Variants in NRAP observed in about 807,000 individuals in gnomAD.
NRAP encodes nebulin related anchoring protein, also known as nebulin-related-anchoring protein.
In NRAP, 189 loss-of-function variants were observed where a neutral mutation model predicts 225.9. That is an observed-to-expected ratio of 0.84 (90% CI 0.74 to 0.94). NRAP has a LOEUF of 0.94. NRAP is among the 40% of genes least tolerant of loss of function. NRAP has a pLI of 0.00. For missense variants in NRAP, 2,176 were observed against 2,168.7 expected (o/e 1.00, Z -0.07); for synonymous variants, 769 against 790.7 (o/e 0.97, Z 0.46).
chr10:113,631,554 G>A lies in NRAP; in HGVS notation c.1797C>T (p.Asp599=), dbSNP rs1443917316. Residue 599 remains aspartate, a synonymous_variant, in exon 18 of 42, where the codon GAC becomes GAT. Coordinates refer to ENST00000359988, the MANE Select transcript of NRAP (RefSeq NM_198060.4). ...TCTGCAGGGAGTGCAGAAGCCTAGA[G>A]TCGGCTGTTCCCATGGCTTTGCCTT... ...KTKGKAMGTA[D]SRLLHSLQIA... 3 of 1,613,332 alleles carry A rather than the reference G, an allele frequency of 1.9e-6. No individual in the cohort carries two copies. Among genetic ancestry groups the A allele is most frequent in the Non-Finnish European group, 2.5e-6 (3 of 1,179,610 alleles).
chr10:113,640,409 A>G, intron 13 of NRAP, 78 bp from the exon 14 acceptor site: 1 of 769,486 alleles, frequency 1.3e-6, no homozygotes, highest in Non-Finnish European at 2.1e-6. Context: ...GCCATAAGAA[A>G]TATTTTTTAA....
intron 25 of NRAP, among the ~76,000 whole-genome samples, chr10:113,619,137 G>A (rs1218281919): frequency 6.6e-6 from 1 of 152,152 alleles, no homozygotes; most frequent in African/African-American, 2.4e-5. Flanking sequence ...GCAAAATGAG[G>A]TGGCTAACTA....
intron 23 of NRAP, 95 bp downstream of exon 23, chr10:113,623,434 G>C: frequency 1.4e-6 from 1 of 692,804 alleles, no homozygotes; most frequent in South Asian, 2.1e-5. Flanking sequence ...CTGAGATTCA[G>C]AGAGATTAAG....
At chr10:113,592,390 C>A (rs1846043952) in intron 38 of NRAP, 89 bp from the exon 39 acceptor site, 2 of 822,536 alleles carry the variant, frequency 2.4e-6, no homozygotes, top group Admixed American at 4.6e-5. Context: ...GGTTCTTAAC[C>A]TTTGTTGGTT....
intron 4 of NRAP, among the ~76,000 whole-genome samples, chr10:113,654,611 A>C (rs1355393322): frequency 6.6e-6 from 1 of 152,176 alleles, no homozygotes; most frequent in African/African-American, 2.4e-5. Flanking sequence ...CAATTAGAAA[A>C]CAGTTATGTG....
Position 113,650,046 on chromosome 10 carries a change from T to C in NRAP, c.879A>G (p.Gln293=), listed in dbSNP as rs758733405. ...TCATTTTATCACATACCTGGCCATA[T>C]TGGTCTGCACATTCCCTTGTCAAGA... ...EGILTRECAD[Q]YGQGYPEEYE... The change falls in exon 9 of 42, where the codon CAA becomes CAG. Residue 293 remains glutamine, a synonymous_variant. Transcript: ENST00000359988. The C allele has an allele frequency of 2.5e-6, 4 of 1,586,806 alleles. No homozygotes were observed. Among genetic ancestry groups the C allele is most frequent in the Non-Finnish European group, 3.5e-6 (4 of 1,155,242 alleles).
chr10:113,640,299 A>T lies in NRAP; in HGVS notation c.1356T>A (p.Ile452=). 9 of 1,600,826 alleles carry T rather than the reference A, an allele frequency of 5.6e-6. No individual in the cohort carries two copies. The highest frequency in any genetic ancestry group is 7.7e-6 in the Non-Finnish European group (9 of 1,173,816). ...VAYKADYKHD[I]VDYNYPATLT... is the part of the protein sequence containing the mutation. Reference sequence around the variant, plus strand: ...GAGTGGCTGGGTAGTTGTAGTCGACAATATCATGTTTATAATCAGCTTTGT... The same window carrying T: ...GAGTGGCTGGGTAGTTGTAGTCGACTATATCATGTTTATAATCAGCTTTGT... Residue 452 remains isoleucine, a synonymous_variant, in exon 14 of 42, where the codon ATT becomes ATA. Coordinates refer to ENST00000359988, the MANE Select transcript of NRAP (RefSeq NM_198060.4).
intron 10 of NRAP, 28 bp downstream of exon 10, chr10:113,646,895 T>C (rs934150620): frequency 1.4e-6 from 2 of 1,465,356 alleles, no homozygotes; most frequent in Non-Finnish European, 1.9e-6. Flanking sequence ...TGCCTCTGGC[T>C]CTGTGGTCAC....
intron 27 of NRAP, 98 bp from the exon 28 acceptor site, chr10:113,615,044 C>T (rs1847566136): frequency 2.7e-6 from 2 of 750,914 alleles, no homozygotes; most frequent in African/African-American, 1.7e-5. Context: ...TGGTGGGTCC[C>T]CTCCCTCCCC....
At chr10:113,662,802 T>A in intron 2 of NRAP, 36 bp from the exon 3 acceptor site, 1 of 1,060,250 alleles carries the variant, frequency 9.4e-7, no homozygotes, top group Non-Finnish European at 1.4e-6. Flanking sequence ...ATTAGAAATG[T>A]ACTTTATCCA....
intron 1 of NRAP, 104 bp from the exon 2 acceptor site, chr10:113,663,550 G>C: frequency 1.3e-6 from 1 of 754,880 alleles, no homozygotes; most frequent in Non-Finnish European, 2.2e-6. Context: ...ATAAAATGCT[G>C]ATTTTAAAAA....
chr10:113,624,378 T>A lies in NRAP; in HGVS notation c.2349+448A>T, dbSNP rs77300280. On this transcript the variant is annotated intron_variant, in intron 22 of 41. Coordinates refer to ENST00000359988, the MANE Select transcript of NRAP (RefSeq NM_198060.4). ...TGTATAGAGACTCACTGAAACCTCA[T>A]GACAACCCAGTAAGGACGGGACTAA... Among the ~76,000 whole-genome samples the A allele has an allele frequency of 5.9e-5, 9 of 152,310 alleles. No individual in the cohort carries two copies. The East Asian group carries it at 1.7e-3, about 29-fold the overall frequency.
rs184155136 is a variant in NRAP, at chr10:113,593,499, C to T, written c.4537-1198G>A. On this transcript the variant is annotated intron_variant, in intron 38 of 41. Coordinates refer to ENST00000359988, the MANE Select transcript of NRAP (RefSeq NM_198060.4). ...CGCCTCTGACTCCAACACCCGATGC[C>T]GTAAACCCTGAGCCAAACGTCTACT... Among the ~76,000 whole-genome samples the T allele has an allele frequency of 1.4e-4, 21 of 152,290 alleles. 1 individual carries two copies. The East Asian group carries it at 2.7e-3, about 20-fold the overall frequency.
rs764698087 is a variant in NRAP at position 113,595,648 on chromosome 10, C to T, written c.4511G>A (p.Arg1504His). 1.0e-4 allele frequency: 163 copies of T among 1,613,122 alleles called. 1 individual carries two copies. The East Asian group carries it at 3.4e-3, about 34-fold the overall frequency. ...IPDHPDFTRA[R>H]LNALHLSDKV... The stretch of plus-strand genomic sequence containing the variant: ...GTCACTCAGATGCAGCGCATTGAGG[C>T]GAGCTCGGGTGAAATCGGGATGGTC... Residue 1504 changes from arginine to histidine, a missense_variant, in exon 38 of 42, where the codon CGC (arginine) becomes CAC (histidine). Arg to His is a conservative substitution (Grantham distance 29). This residue lies in a region of NRAP where 445 missense variants were observed against 426.1 expected (regional missense o/e 1.04). Coordinates refer to ENST00000359988, the MANE Select transcript of NRAP (RefSeq NM_198060.4).
chr10:113,640,502 C>T (rs1023098912), intron 13 of NRAP, among the ~76,000 whole-genome samples, 171 bp from the exon 14 acceptor site: 4 of 152,116 alleles, frequency 2.6e-5, no homozygotes, highest in Non-Finnish European at 2.9e-5. Context: ...AATCTGAATT[C>T]CTCTTAATTA....
At chr10:113,623,948 T>G (rs552698953) in intron 22 of NRAP, among the ~76,000 whole-genome samples, 24 of 152,148 alleles carry the variant, frequency 1.6e-4, no homozygotes, top group Non-Finnish European at 3.1e-4. Context: ...CACAGCGACA[T>G]TTCTGAAAAG....
chr10:113,595,901 C>T (rs144184027), intron 37 of NRAP, among the ~76,000 whole-genome samples, 174 bp from the exon 38 acceptor site: 1 of 152,144 alleles, frequency 6.6e-6, no homozygotes, highest in African/African-American at 2.4e-5. Flanking sequence ...ATGGAAGATG[C>T]CTTTATAGCC....
chr10:113,614,221 G>A lies in NRAP; in HGVS notation c.3262C>T (p.Leu1088Phe), dbSNP rs1847502598. Residue 1088 changes from leucine (L) to phenylalanine (F), a missense_variant, in exon 29 of 42, where the codon CTT becomes TTT. Transcript: ENST00000359988. ...GAGGTCGCATACACTGAATGTGCAAGGCTGATATCATCTTCCAAGCTCCGG... is the reference window on the plus strand; with the variant it reads ...GAGGTCGCATACACTGAATGTGCAAAGCTGATATCATCTTCCAAGCTCCGG... ...GSRSLEDDIS[L>F]AHSVYATSLQ... The A allele has an allele frequency of 1.9e-6, 3 of 1,613,862 alleles. No homozygotes were observed. Among genetic ancestry groups the A allele is most frequent in the South Asian group, 1.1e-5 (1 of 91,072 alleles).
In NRAP at chr10:113,663,914, G is replaced by T. The variant is rs759271599; in HGVS notation, c.-32C>A. On this transcript the variant is annotated 5_prime_UTR_variant, in exon 1 of 42. Transcript: ENST00000359988. ...GCCGGAAGAGAGAGGACAAAGATAG[G>T]CAACAGGCAAGAAATGCAAGGAGAA... The T allele has an allele frequency of 7.1e-6, 11 of 1,552,714 alleles. No individual in the cohort carries two copies. In the South Asian group the frequency reaches 1.1e-4, roughly 16 times the overall value.
Sources: gnomAD v4.1 joint callset for allele counts (sites outside exome capture counted in the v4.1 genomes callset) on GRCh38, gnomAD v4.1.1 for gene constraint, gnomAD v4.1.1 regional missense constraint, MANE v1.5 for transcripts, NCBI Gene and HGNC (gene_info 2026-07-23, HGNC 2026-07-21) for gene names.